MN1: variants seen among roughly 807,000 people sequenced by gnomAD.
MN1 encodes the protein MN1 proto-oncogene, transcriptional regulator, also known as transcriptional activator MN1.
In MN1, 19 loss-of-function variants were observed where a neutral mutation model predicts 86.9. The observed-to-expected ratio is 0.22, with a 90% CI of 0.15 to 0.32. The LOEUF (loss-of-function observed/expected upper bound fraction) is 0.32, where lower values mean the gene tolerates loss of function less well. Ranked by LOEUF, MN1 falls within the 10% of genes least tolerant of loss-of-function variation. The pLI is 1.00. For synonymous variants in MN1, 928 were observed against 849.6 expected (o/e 1.09, Z -1.60); for missense variants, 1,841 against 1,862.0 (o/e 0.99, Z 0.21).
In MN1 at chr22:27,800,227, T is replaced by C; in HGVS notation, c.317A>G (p.His106Arg). The stretch of plus-strand genomic sequence containing the variant: ...AAAGTGGGGGTGATGCTGGTGGGGA[T>C]GATGACTTCCCGGGTGGCCGTGGTG... ...QPHHGHPGSH[H>R]PHQHHPHFGG... Residue 106 changes from histidine (H) to arginine (R), a missense_variant, in exon 1 of 2, where the codon CAT becomes CGT. By Grantham distance (29) the His-to-Arg change is conservative. Coordinates refer to ENST00000302326, the MANE Select transcript of MN1 (RefSeq NM_002430.3). The C allele has an allele frequency of 6.3e-7, 1 of 1,582,078 alleles. No individual in the cohort carries two copies. The highest frequency in any genetic ancestry group is 8.6e-7 in the Non-Finnish European group (1 of 1,165,214).
chr22:27,795,517 G>C (rs563856290), intron 1 of MN1, among the ~76,000 whole-genome samples: 1 of 152,048 alleles, frequency 6.6e-6, no homozygotes, highest in Admixed American at 6.6e-5. Context: ...ATTGCACTGG[G>C]GGGGGACACA....
chr22:27,799,364 G>T lies in MN1; in HGVS notation c.1180C>A (p.Gln394Lys). ...GEAGTPSGGL[Q>K]DGGPMLPSQH... is the part of the protein sequence containing the mutation. ...CTGGGCAGCATGGGGCCTCCGTCCT[G>T]CAGGCCGCCGCTGGGCGTGCCCGCC... Residue 394 changes from glutamine to lysine, a missense_variant, in exon 1 of 2, where the codon CAG (glutamine) becomes AAG (lysine). By Grantham distance (53) the Gln-to-Lys change is moderately conservative. Transcript: ENST00000302326. 6.4e-7 allele frequency: 1 copy of T among 1,563,754 alleles called. No individual in the cohort carries two copies.
Position 27,800,354 on chromosome 22 carries a change from T to C in MN1, c.190A>G (p.Asn64Asp). 4 of 1,606,402 alleles carry C rather than the reference T, an allele frequency of 2.5e-6. No homozygotes were observed. Among genetic ancestry groups the C allele is most frequent in the Non-Finnish European group, 3.4e-6 (4 of 1,175,816 alleles). ...GCGTGGAAGCCGTAGGGCTCCATGT[T>C]CATGCCCAAGATCGGGGGTTCGCCC... ...ALGEPPILGM[N>D]MEPYGFHARG... The change falls in exon 1 of 2, where the codon AAC (asparagine) becomes GAC (aspartate). Residue 64 changes from asparagine to aspartate, a missense_variant. Transcript: ENST00000302326.
At chr22:27,786,239 G>GC (rs1933130984) in intron 1 of MN1, among the ~76,000 whole-genome samples, 1 of 152,158 alleles carries the variant, frequency 6.6e-6, no homozygotes, top group Non-Finnish European at 1.5e-5. Context: ...GAAGAGGGGG[G>GC]CCCCCCAAAG....
chr22:27,800,438 C>T lies in MN1; in HGVS notation c.106G>A (p.Ala36Thr), dbSNP rs764114510. 2 of 1,614,212 alleles carry T rather than the reference C, an allele frequency of 1.2e-6. No individual in the cohort carries two copies. Among genetic ancestry groups the T allele is most frequent in the Non-Finnish European group, 1.7e-6 (2 of 1,180,030 alleles). Reference protein sequence around the residue: ...TGLSMNTHFKAPAFHTGGPPG... With the variant: ...TGLSMNTHFKTPAFHTGGPPG... ...GGCCCCCCAGTGTGGAAAGCCGGGG[C>T]CTTAAAGTGGGTGTTCATGCTCAGT... The change falls in exon 1 of 2, where the codon GCC (alanine) becomes ACC (threonine). Residue 36 changes from alanine to threonine, a missense_variant. Physicochemically the swap from Ala to Thr is moderately conservative, Grantham distance 58. Transcript: ENST00000302326.
At chr22:27,758,899 C>T (rs1482616510) in intron 1 of MN1, among the ~76,000 whole-genome samples, 1 of 152,142 alleles carries the variant, frequency 6.6e-6, no homozygotes, top group Non-Finnish European at 1.5e-5. Context: ...GATCACAGTT[C>T]ACTACAACCT....
rs778097667 is a variant in MN1, at chr22:27,797,746, T to A, written c.2798A>T (p.Lys933Met). The change falls in exon 1 of 2, where the codon AAG (lysine) becomes ATG (methionine). Residue 933 changes from lysine to methionine, a missense_variant. By Grantham distance (95) the Lys-to-Met change is moderately conservative. Transcript: ENST00000302326. ...CCGGCCGCCGCCCCCGGAGACCGGCTTGCCGTCATTCCCCGACGTGGATTC... is the reference window on the plus strand; with the variant it reads ...CCGGCCGCCGCCCCCGGAGACCGGCATGCCGTCATTCCCCGACGTGGATTC... ...TLESTSGNDG[K>M]PVSGGGGRGR... The A allele has an allele frequency of 6.2e-7, 1 of 1,609,714 alleles. No homozygotes were observed. The highest frequency in any genetic ancestry group is 1.1e-5 in the South Asian group (1 of 90,738).
rs974447268 is a variant in MN1, at chr22:27,798,899, G to T, written c.1645C>A (p.Gln549Lys). 46 of 1,554,234 alleles carry T rather than the reference G, an allele frequency of 3.0e-5. No individual in the cohort carries two copies. The highest frequency in any genetic ancestry group is 3.6e-5 in the Non-Finnish European group (41 of 1,150,616). ...QQQQQQQQQQ[Q>K]QRQNAALMIK... is the part of the protein sequence containing the mutation. ...ATGAGGGCCGCGTTTTGGCGCTGCT[G>T]CTGCTGCTGCTGTTGCTGTTGCTGT... The change falls in exon 1 of 2, where the codon CAG (glutamine) becomes AAG (lysine). Residue 549 changes from glutamine (Q) to lysine (K), a missense_variant. Physicochemically the swap from Gln to Lys is moderately conservative, Grantham distance 53. Transcript: ENST00000302326.
chr22:27,760,404 G>C (rs1054529113), intron 1 of MN1, among the ~76,000 whole-genome samples: 1 of 152,028 alleles, frequency 6.6e-6, no homozygotes, highest in African/African-American at 2.4e-5. Context: ...AGCTGCTTGG[G>C]AGGCTGGTGC....
intron 1 of MN1, among the ~76,000 whole-genome samples, chr22:27,780,273 C>CACCAG (rs1423895515): frequency 3.3e-5 from 5 of 152,144 alleles, no homozygotes; most frequent in African/African-American, 1.2e-4. Flanking sequence ...AAGCCCCGAG[C>CACCAG]AGTCGGGCCC....
At chr22:27,795,433 C>A (rs1237247732) in intron 1 of MN1, among the ~76,000 whole-genome samples, 1 of 151,868 alleles carries the variant, frequency 6.6e-6, no homozygotes, top group African/African-American at 2.4e-5. Flanking sequence ...AATCCAGGGT[C>A]AAGACATGGC....
intron 1 of MN1, among the ~76,000 whole-genome samples, chr22:27,754,649 TC>T (rs966212839): frequency 8.5e-5 from 13 of 152,212 alleles, no homozygotes; most frequent in African/African-American, 2.4e-4. Context: ...AGACCGCGGC[TC>T]CCCAGGGCTG....
intron 1 of MN1, among the ~76,000 whole-genome samples, chr22:27,787,509 T>C (rs915318787): frequency 2.6e-5 from 4 of 152,200 alleles, no homozygotes; most frequent in African/African-American, 9.7e-5. Context: ...GCTGGATTTG[T>C]CACTTACTTT....
intron 1 of MN1, among the ~76,000 whole-genome samples, chr22:27,763,917 G>T (rs1033781498): frequency 1.3e-5 from 2 of 152,352 alleles, no homozygotes; most frequent in South Asian, 4.1e-4. Context: ...AGAGGAGGCG[G>T]TGTGCAAGTA....
In MN1 at chr22:27,798,975, T is replaced by C. The variant is rs781500278; in HGVS notation, c.1569A>G (p.Gln523=). Residue 523 remains glutamine (Q), a synonymous_variant, in exon 1 of 2, where the codon CAA becomes CAG. Transcript: ENST00000302326. ...QHPAPDHQSL[Q]QQQQQQQQQQ... ...GCTGCTGCTGCTGCTGCTGCTGCTG[T>C]TGCAGGGACTGGTGGTCCGGGGCCG... is the stretch of plus-strand genomic sequence containing the variant. The C allele has an allele frequency of 3.8e-6, 6 of 1,586,390 alleles. No homozygotes were observed. Among genetic ancestry groups the C allele is most frequent in the South Asian group, 3.4e-5 (3 of 89,284 alleles).
intron 1 of MN1, among the ~76,000 whole-genome samples, chr22:27,755,779 ACAGT>A (rs1240193809): frequency 1.3e-5 from 2 of 152,138 alleles, no homozygotes; most frequent in Non-Finnish European, 1.5e-5. Flanking sequence ...CACAATGGAG[ACAGT>A]CAGTTCCATT....
In MN1 at chr22:27,785,817, T is replaced by C. The variant is rs570187558; in HGVS notation, c.3781+10946A>G. Among the ~76,000 whole-genome samples the C allele has an allele frequency of 1.7e-3, 263 of 151,198 alleles. 1 individual carries two copies. Among genetic ancestry groups the C allele is most frequent in the Non-Finnish European group, 3.3e-3 (223 of 67,884 alleles). ...AAGCCTCTGGAAGATTTAGTGGTCT[T>C]GCCTGGGGTGTCGTAATTACCGGAA... On this transcript the variant is annotated intron_variant, in intron 1 of 1. Transcript: ENST00000302326.
At position 27,798,323 on chromosome 22, in the gene MN1, C is replaced by T; in HGVS notation, c.2221G>A (p.Gly741Arg). The change falls in exon 1 of 2, where the codon GGG (glycine) becomes AGG (arginine). Residue 741 changes from glycine to arginine, a missense_variant. Physicochemically the swap from Gly to Arg is moderately radical, Grantham distance 125. Transcript: ENST00000302326. ...PPPDFATSAL[G>R]GQPGFPFGAA... ...CCAAACGGAAAGCCCGGCTGGCCCC[C>T]GAGCGCAGACGTAGCAAAGTCCGGC... is the stretch of plus-strand genomic sequence containing the variant. 1 of 1,518,080 alleles carries T rather than the reference C, an allele frequency of 6.6e-7. No homozygotes were observed. Among genetic ancestry groups the T allele is most frequent in the Non-Finnish European group, 8.8e-7 (1 of 1,141,766 alleles). The allele number at this position is 1,518,080 out of a possible 1,614,324, so 94.0% of individuals were successfully genotyped here. A position where few individuals can be genotyped will look rare whatever the true frequency, so the allele number is the denominator to read the frequency against.
intron 1 of MN1, among the ~76,000 whole-genome samples, chr22:27,761,865 A>G (rs1932837429): frequency 6.6e-6 from 1 of 152,136 alleles, no homozygotes; most frequent in South Asian, 2.1e-4. Context: ...TGTCATTTAG[A>G]TTGAGAACTG....
Sources: gnomAD v4.1 joint callset for allele counts (sites outside exome capture counted in the v4.1 genomes callset) on GRCh38, gnomAD v4.1.1 for gene constraint, MANE v1.5 for transcripts, NCBI Gene and HGNC (gene_info 2026-07-23, HGNC 2026-07-21) for gene names.